Variants in ATM observed in about 807,000 individuals in gnomAD.
ATM encodes ATM serine/threonine kinase, also known as serine-protein kinase ATM.
In ATM, 308 loss-of-function variants were observed where a neutral mutation model predicts 387.0. That is an observed-to-expected ratio of 0.80 (90% CI 0.73 to 0.87). The LOEUF (loss-of-function observed/expected upper bound fraction) is 0.87, where lower values mean the gene tolerates loss of function less well. Ranked by LOEUF, ATM falls within the 40% of genes least tolerant of loss-of-function variation. The probability of loss-of-function intolerance (pLI) is 0.00; values close to 1 mark genes in which losing one functional copy is unlikely to be tolerated. For missense variants in ATM, 3,312 were observed against 3,560.9 expected (o/e 0.93, Z 1.78); for synonymous variants, 1,156 against 1,187.3 (o/e 0.97, Z 0.54).
intron 56 of ATM, among the ~76,000 whole-genome samples, chr11:108,339,916 A>G (rs1361474818): frequency 2.0e-5 from 3 of 152,176 alleles, no homozygotes; most frequent in African/African-American, 4.8e-5. Flanking sequence ...GGGAAATCAG[A>G]AAGGCCATGA....
intron 36 of ATM, 108 bp downstream of exon 36, chr11:108,303,137 T>A: frequency 1.3e-5 from 15 of 1,145,336 alleles, no homozygotes; most frequent in Non-Finnish European, 1.9e-5. Context: ...CCACTCAAAC[T>A]GTTGTAAATT....
Position 108,366,578 on chromosome 11 carries a change from G to A in ATM, c.*1070G>A, listed in dbSNP as rs574005162. ...TATTTTCAGCAAGGCTTTATCTATGGGAATCTTGAGTGTCTGTTTATGTCA... is the reference window on the plus strand; with the variant it reads ...TATTTTCAGCAAGGCTTTATCTATGAGAATCTTGAGTGTCTGTTTATGTCA... On this transcript the variant is annotated 3_prime_UTR_variant, in exon 63 of 63. Coordinates refer to ENST00000675843, the MANE Select transcript of ATM (RefSeq NM_000051.4). 1 of 229,778 alleles carries A rather than the reference G, an allele frequency of 4.4e-6. No individual in the cohort carries two copies. The highest frequency in any genetic ancestry group is 2.2e-5 in the African/African-American group (1 of 45,192). The allele number at this position is 229,778 out of a possible 1,614,324, so 14.2% of individuals were successfully genotyped here.
intron 50 of ATM, 92 bp downstream of exon 50, chr11:108,330,513 T>C: frequency 2.3e-6 from 3 of 1,281,896 alleles, no homozygotes; most frequent in East Asian, 4.6e-5. Context: ...CCTCTTTGTA[T>C]TCCTAGCACT....
chr11:108,264,288 C>G (rs1159188057), intron 16 of ATM, among the ~76,000 whole-genome samples: 1 of 152,086 alleles, frequency 6.6e-6, no homozygotes, highest in Non-Finnish European at 1.5e-5. Context: ...CCACCATGAT[C>G]AAGTGGGCTT....
Position 108,250,886 on chromosome 11 carries a change from G to A in ATM, c.1421G>A (p.Ser474Asn), listed in dbSNP as rs876659240. The A allele has an allele frequency of 2.5e-6, 4 of 1,613,952 alleles. No individual in the cohort carries two copies. The highest frequency in any genetic ancestry group is 3.4e-6 in the Non-Finnish European group (4 of 1,180,028). The change falls in exon 10 of 63, where the codon AGC (serine) becomes AAC (asparagine). Residue 474 changes from serine to asparagine, a missense_variant. Around this residue, in one of 4 missense-constraint regions of ATM, gnomAD observed 1,791 missense variants for 1,804.5 expected, o/e 0.99. Transcript: ENST00000675843. ...CAAGACAAGAGGTCAAACCTAGAAAGCTCACAAAAGTCAGATTTATTAAAA... is the reference window on the plus strand; with the variant it reads ...CAAGACAAGAGGTCAAACCTAGAAAACTCACAAAAGTCAGATTTATTAAAA... ...LCQDKRSNLE[S>N]SQKSDLLKLW...
chr11:108,269,861 T>G (rs2081477895), intron 18 of ATM, among the ~76,000 whole-genome samples: 1 of 152,220 alleles, frequency 6.6e-6, no homozygotes, highest in South Asian at 2.1e-4. Flanking sequence ...GTGCCCTGTT[T>G]GGGCCCCTGG....
At chr11:108,303,754 A>G (rs1358040508) in intron 36 of ATM, among the ~76,000 whole-genome samples, 2 of 152,202 alleles carry the variant, frequency 1.3e-5, no homozygotes, top group Non-Finnish European at 2.9e-5. Flanking sequence ...ACTACACCGC[A>G]CTCATACCAA....
intron 5 of ATM, chr11:108,236,197 C>G (rs1346540389): frequency 7.2e-6 from 2 of 279,540 alleles, no homozygotes; most frequent in East Asian, 9.4e-5. Context: ...GACACCTAAA[C>G]TCAACCATGA....
intron 26 of ATM, among the ~76,000 whole-genome samples, chr11:108,286,899 T>G (rs2082522975): frequency 6.6e-6 from 1 of 152,242 alleles, no homozygotes; most frequent in Non-Finnish European, 1.5e-5. Flanking sequence ...AGTTGTTATA[T>G]TCACCCTTAA....
Position 108,253,807 on chromosome 11 carries a change from C to A in ATM, c.1899-7C>A, listed in dbSNP as rs1060501584. ...GTTTATATATTAAAGATCTTACTTTCTTGAAGTGAACACCACCAAAAAGAT... is the reference window on the plus strand; with the variant it reads ...GTTTATATATTAAAGATCTTACTTTATTGAAGTGAACACCACCAAAAAGAT... On this transcript the variant is annotated splice_polypyrimidine_tract_variant and splice_region_variant and intron_variant, in intron 12 of 62. Coordinates refer to ENST00000675843, the MANE Select transcript of ATM (RefSeq NM_000051.4). 6.2e-7 allele frequency: 1 copy of A among 1,607,976 alleles called. No homozygotes were observed. Among genetic ancestry groups the A allele is most frequent in the East Asian group, 2.2e-5 (1 of 44,802 alleles).
intron 38 of ATM, among the ~76,000 whole-genome samples, chr11:108,309,949 G>GA (rs2084001935): frequency 6.6e-6 from 1 of 151,736 alleles, no homozygotes; most frequent in African/African-American, 2.4e-5. Context: ...AGGTTTGAGG[G>GA]AAAAAAGAAA....
chr11:108,289,130 T>C (rs1161558364), intron 28 of ATM, 27 bp downstream of exon 28: 2 of 1,590,522 alleles, frequency 1.3e-6, no homozygotes, highest in Admixed American at 1.7e-5. Flanking sequence ...AGTTTAATAA[T>C]AGAACATTCC....
At chr11:108,363,282 C>G (rs2091000998) in intron 61 of ATM, among the ~76,000 whole-genome samples, 1 of 152,142 alleles carries the variant, frequency 6.6e-6, no homozygotes, top group South Asian at 2.1e-4. Context: ...TATTTCTGAA[C>G]TGATCTCCCC....
At chr11:108,282,081 C>A (rs762619391) in intron 24 of ATM, among the ~76,000 whole-genome samples, 8 of 152,014 alleles carry the variant, frequency 5.3e-5, no homozygotes, top group Non-Finnish European at 1.0e-4. Flanking sequence ...TCCTCCCAAG[C>A]CTCCTGAGTA....
At position 108,235,730 on chromosome 11, in the gene ATM, C is replaced by G. The variant is rs1363726955; in HGVS notation, c.392C>G (p.Ser131Ter). The G allele has an allele frequency of 6.2e-7, 1 of 1,612,360 alleles. No homozygotes were observed. The highest frequency in any genetic ancestry group is 8.5e-7 in the Non-Finnish European group (1 of 1,178,608). ...TATATCATGGATACAGTGAAAGATT[C>G]ATCTAATGGTGCTATTTACGGAGCT... ...LNYIMDTVKDSSNGAIYGADC... is the reference protein window; with the variant it reads ...LNYIMDTVKD Residue 131 changes from serine to a stop codon, truncating the protein, a stop_gained, in exon 5 of 63, where the codon TCA becomes TGA. Coordinates refer to ENST00000675843, the MANE Select transcript of ATM (RefSeq NM_000051.4). LOFTEE classifies it high-confidence loss of function.
In ATM at chr11:108,247,244, A is replaced by G. The variant is rs2079900278; in HGVS notation, c.1065+117A>G. 7.9e-6 allele frequency: 7 copies of G among 890,330 alleles called. No homozygotes were observed. In the East Asian group the frequency reaches 1.8e-4, roughly 23 times the overall value. The allele number at this position is 890,330 out of a possible 1,614,324, so 55.2% of individuals were successfully genotyped here. ...CAAAAAGCCTATAAAATGACTCTGTACATGCAACTATTCCTTTCAAACTAT... is the reference window on the plus strand; with the variant it reads ...CAAAAAGCCTATAAAATGACTCTGTGCATGCAACTATTCCTTTCAAACTAT... On this transcript the variant is annotated intron_variant, in intron 8 of 62. Transcript: ENST00000675843.
At chr11:108,322,450 G>A (rs1276770719) in intron 45 of ATM, among the ~76,000 whole-genome samples, 4 of 152,266 alleles carry the variant, frequency 2.6e-5, no homozygotes, top group Middle Eastern at 3.4e-3. Flanking sequence ...CACCATGCCC[G>A]GCCCCCAATG....
In ATM at chr11:108,360,146, C is replaced by T. The variant is rs561293201; in HGVS notation, c.8851-4936C>T. Reference sequence around the variant, plus strand: ...CCGATCCCACAGAAATACAAACTACCATCAGAGAATACTACAAACACCTCT... The same window carrying T: ...CCGATCCCACAGAAATACAAACTACTATCAGAGAATACTACAAACACCTCT... On this transcript the variant is annotated intron_variant, in intron 61 of 62. Coordinates refer to ENST00000675843, the MANE Select transcript of ATM (RefSeq NM_000051.4). Among the ~76,000 whole-genome samples the T allele has an allele frequency of 6.2e-3, 935 of 150,624 alleles. 2 individuals are homozygous for T. Among genetic ancestry groups the T allele is most frequent in the Non-Finnish European group, 9.7e-3 (655 of 67,364 alleles).
At chr11:108,307,266 C>T (rs1395503763) in intron 37 of ATM, among the ~76,000 whole-genome samples, 1 of 152,008 alleles carries the variant, frequency 6.6e-6, no homozygotes, top group Non-Finnish European at 1.5e-5. Context: ...TCCCGTGCCT[C>T]AGCCTCCTGA....
Sources: gnomAD v4.1 joint callset for allele counts (sites outside exome capture counted in the v4.1 genomes callset) on GRCh38, gnomAD v4.1.1 for gene constraint, gnomAD v4.1.1 regional missense constraint, MANE v1.5 for transcripts, NCBI Gene and HGNC (gene_info 2026-07-23, HGNC 2026-07-21) for gene names.